The following ESRRG variants were observed in gnomAD, a reference collection of about 807,000 sequenced individuals.
ESRRG encodes the protein estrogen-related receptor gamma.
In ESRRG, 13 loss-of-function variants were observed where a neutral mutation model predicts 44.0. The ratio of observed to expected loss-of-function variants is 0.30; its 90% CI spans 0.19 to 0.47. ESRRG has a LOEUF of 0.47. ESRRG is among the 20% of genes least tolerant of loss of function. The pLI is 1.00. For missense variants in ESRRG, 395 were observed against 580.6 expected (o/e 0.68, Z 3.29); for synonymous variants, 215 against 214.6 (o/e 1.00, Z -0.02).
In ESRRG at chr1:216,879,400, G is replaced by GTCT. The variant is rs1194364050; in HGVS notation, c.-14+60181_-14+60182insAGA. ...TATTATCCCCAGAAGATGGTTCATG[G>GTCT]AAATTCTCATCCCCTGCTAGGCTGT... is the stretch of plus-strand genomic sequence containing the variant. On this transcript the variant is annotated intron_variant, in intron 2 of 7. Transcript: ENST00000359162. Among the ~76,000 whole-genome samples the GTCT allele has an allele frequency of 2.8e-5, 4 of 143,778 alleles. No homozygotes were observed. In the East Asian group the frequency reaches 8.4e-4, roughly 30 times the overall value. 94.3% of individuals were successfully genotyped at this position (143,778 alleles called of 152,430 possible).
intron 2 of ESRRG, among the ~76,000 whole-genome samples, chr1:216,889,207 G>C (rs1029191517): frequency 1.3e-5 from 2 of 152,162 alleles, no homozygotes; most frequent in African/African-American, 4.8e-5. Context: ...TCAAAATGCT[G>C]ACTCTCCACA....
At chr1:216,884,987 CTT>C (rs1404761174) in intron 2 of ESRRG, among the ~76,000 whole-genome samples, 6 of 152,082 alleles carry the variant, frequency 3.9e-5, no homozygotes, top group Admixed American at 3.9e-4. Flanking sequence ...AGTCAAATGA[CTT>C]TGTATTCTGC....
chr1:216,567,973 A>G lies in ESRRG; in HGVS notation c.700+15T>C, dbSNP rs1319233286. The G allele has an allele frequency of 5.8e-6, 9 of 1,563,456 alleles. No homozygotes were observed. In the East Asian group the frequency reaches 1.8e-4, roughly 31 times the overall value. ...TTTCGTGTTCTGGGAAGCCAGACAC[A>G]TCTGCTGTACTTACATGGCTTTTTG... is the stretch of plus-strand genomic sequence containing the variant. On this transcript the variant is annotated intron_variant, in intron 4 of 6. Transcript: ENST00000408911.
At chr1:216,526,717 T>G (rs2047769205) in intron 5 of ESRRG, among the ~76,000 whole-genome samples, 1 of 152,172 alleles carries the variant, frequency 6.6e-6, no homozygotes, top group Admixed American at 6.5e-5. Context: ...ATCTTCCAGT[T>G]CCAACAGTTT....
At chr1:216,814,130 A>G (rs965818803) in intron 2 of ESRRG, among the ~76,000 whole-genome samples, 2 of 151,838 alleles carry the variant, frequency 1.3e-5, no homozygotes, top group African/African-American at 4.8e-5. Context: ...AAAAAAAAAA[A>G]TGATGCTTCT....
chr1:216,823,747 A>C (rs1262896551), intron 2 of ESRRG, among the ~76,000 whole-genome samples: 2 of 152,158 alleles, frequency 1.3e-5, no homozygotes, highest in African/African-American at 4.8e-5. Context: ...ATAGGAATGC[A>C]AGCTTTCTTT....
At chr1:216,891,436 G>A (rs562121268) in intron 2 of ESRRG, among the ~76,000 whole-genome samples, 1 of 152,344 alleles carries the variant, frequency 6.6e-6, no homozygotes, top group African/African-American at 2.4e-5. Flanking sequence ...ATGGGGACGT[G>A]CATATGCACA....
At chr1:217,136,131 G>A (rs912822210) in intron 1 of ESRRG, among the ~76,000 whole-genome samples, 1 of 152,194 alleles carries the variant, frequency 6.6e-6, no homozygotes. Context: ...ACTGGCACTG[G>A]ATGGGAAGGG....
At position 216,893,211 on chromosome 1, in the gene ESRRG, C is replaced by T. The variant is rs138095255; in HGVS notation, c.-14+46371G>A. On this transcript the variant is annotated intron_variant, in intron 2 of 7. Transcript: ENST00000359162. ...CCATCCATTCTGTTTCCTTTAACAG[C>T]ATGTATTGAGCAAACATTCTGCCAG... Among the ~76,000 whole-genome samples, 73 of 152,254 alleles carry T rather than the reference C, an allele frequency of 4.8e-4. 1 individual carries two copies. The highest frequency in any genetic ancestry group is 1.7e-3 in the African/African-American group (69 of 41,542).
At chr1:216,729,062 G>A (rs1027164523) in intron 2 of ESRRG, among the ~76,000 whole-genome samples, 1 of 152,146 alleles carries the variant, frequency 6.6e-6, no homozygotes, top group Non-Finnish European at 1.5e-5. Context: ...GAGGGATGAG[G>A]CTTTGTACTG....
At chr1:216,758,535 ATT>A (rs10718959) in intron 2 of ESRRG, among the ~76,000 whole-genome samples, 4 of 149,726 alleles carry the variant, frequency 2.7e-5, no homozygotes, top group East Asian at 2.0e-4. Context: ...TGAGTCCAGA[ATT>A]TTTTTTTTTA....
At chr1:216,972,148 G>C (rs999805852) in intron 1 of ESRRG, among the ~76,000 whole-genome samples, 2 of 152,120 alleles carry the variant, frequency 1.3e-5, no homozygotes, top group Non-Finnish European at 2.9e-5. Flanking sequence ...TGGAGTGCCA[G>C]TTGGCTTTCT....
Position 216,579,354 on chromosome 1 carries a change from C to T in ESRRG, c.590-11256G>A, listed in dbSNP as rs374761763. ...GTTAAAGGTTTGGAGGAGAGTTATACGTATGTGTATTCATAGTTACATGTC... is the reference window on the plus strand; with the variant it reads ...GTTAAAGGTTTGGAGGAGAGTTATATGTATGTGTATTCATAGTTACATGTC... On this transcript the variant is annotated intron_variant, in intron 3 of 6. Coordinates refer to ENST00000408911, the MANE Select transcript of ESRRG (RefSeq NM_001438.4). Among the ~76,000 whole-genome samples the T allele has an allele frequency of 4.6e-5, 7 of 152,148 alleles. No individual in the cohort carries two copies. In the South Asian group the frequency reaches 1.0e-3, roughly 23 times the overall value.
intron 2 of ESRRG, chr1:216,936,812 A>C (rs1249612274): frequency 1.3e-5 from 2 of 152,304 alleles, no homozygotes; most frequent in African/African-American, 4.8e-5. Flanking sequence ...AAGGACAAGC[A>C]TCAGCAGTAA....
intron 5 of ESRRG, among the ~76,000 whole-genome samples, chr1:216,520,290 T>G (rs2045695836): frequency 6.6e-6 from 1 of 152,134 alleles, no homozygotes. Flanking sequence ...ATCACCTACC[T>G]AAACATTAAG....
chr1:216,579,884 A>G (rs1236357342), intron 3 of ESRRG, among the ~76,000 whole-genome samples: 1 of 152,196 alleles, frequency 6.6e-6, no homozygotes, highest in Non-Finnish European at 1.5e-5. Context: ...TTCCAAACTT[A>G]AATTTCTTAG....
intron 1 of ESRRG, among the ~76,000 whole-genome samples, chr1:216,977,218 C>A (rs1241884823): frequency 6.6e-6 from 1 of 151,916 alleles, no homozygotes; most frequent in Non-Finnish European, 1.5e-5. Flanking sequence ...CACATTTACT[C>A]TAGGGTATTG....
At chr1:217,107,022 G>A (rs1278943902) in intron 1 of ESRRG, among the ~76,000 whole-genome samples, 1 of 152,150 alleles carries the variant, frequency 6.6e-6, no homozygotes, top group Non-Finnish European at 1.5e-5. Flanking sequence ...CTGGATGTAT[G>A]GATTAGATTG....
chr1:216,558,625 A>G (rs543396217), intron 5 of ESRRG, among the ~76,000 whole-genome samples: 2 of 152,200 alleles, frequency 1.3e-5, no homozygotes, highest in Admixed American at 6.5e-5. Flanking sequence ...AATTATTTAT[A>G]CATATAAATA....
Sources: gnomAD v4.1 joint callset for allele counts (sites outside exome capture counted in the v4.1 genomes callset) on GRCh38, gnomAD v4.1.1 for gene constraint, MANE v1.5 for transcripts, NCBI Gene and HGNC (gene_info 2026-07-23, HGNC 2026-07-21) for gene names.